The following RYR1 variants were observed in gnomAD, a reference collection of about 807,000 sequenced individuals.
The protein encoded by RYR1 is ryanodine receptor 1, also known as central core disease of muscle.
A neutral mutation model predicts 583.5 loss-of-function variants in RYR1; 342 were observed. The ratio of observed to expected loss-of-function variants is 0.59; its 90% confidence interval spans 0.54 to 0.64. The LOEUF is 0.64. RYR1 is among the 30% of genes least tolerant of loss of function. The pLI is 0.00. For synonymous variants in RYR1, 2,791 were observed against 2,822.5 expected (o/e 0.99, Z 0.35); for missense variants, 6,032 against 6,917.2 (o/e 0.87, Z 4.54).
At chr19:38,574,792 C>T (rs960319490) in intron 96 of RYR1, among the ~76,000 whole-genome samples, 10 of 152,152 alleles carry the variant, frequency 6.6e-5, no homozygotes, top group Admixed American at 6.6e-5. Context: ...TCAATCCTAG[C>T]ACTTTGGGAG....
chr19:38,530,990 T>C (rs77079183), intron 76 of RYR1, among the ~76,000 whole-genome samples: 3 of 143,704 alleles, frequency 2.1e-5, no homozygotes, highest in Non-Finnish European at 3.0e-5. Flanking sequence ...TCTTTCTCTT[T>C]TTTTTTTTTT....
Position 38,512,359 on chromosome 19 carries a change from G to T in RYR1, c.9348G>T (p.Ser3116=). The T allele has an allele frequency of 6.2e-7, 1 of 1,614,118 alleles. No individual in the cohort carries two copies. The highest frequency in any genetic ancestry group is 8.5e-7 in the Non-Finnish European group (1 of 1,180,050). Residue 3116 remains serine (S), a synonymous_variant, in exon 63 of 106, where the codon TCG becomes TCT. Transcript: ENST00000359596. This position sits in a 1 kb window ranked among gnomAD's most constrained non-coding sequence, Gnocchi z 5.1. ...MVENLRLGKV[S]QARTQVKGVG... ...AGAACCTGCGGCTGGGCAAGGTGTC[G>T]CAGGCGCGCACCCAGGTGAAAGGCG...
Position 38,485,629 on chromosome 19 carries a change from G to C in RYR1, c.4974G>C (p.Leu1658=), listed in dbSNP as rs1187288576. The C allele has an allele frequency of 1.9e-6, 3 of 1,610,088 alleles. No homozygotes were observed. Among genetic ancestry groups the C allele is most frequent in the African/African-American group, 1.3e-5 (1 of 75,048 alleles). ...TGGAGCTGTCGGAGCGCCTGGACCT[G>C]CAGCGCTTCCACTCGCACACCCTGC... ...DILELSERLD[L]QRFHSHTLRL... The change falls in exon 34 of 106, where the codon CTG becomes CTC. Residue 1658 remains leucine, a synonymous_variant. Transcript: ENST00000359596.
rs761170463 is a variant in RYR1, at chr19:38,587,424, AC to A, written c.*9del. 2 of 1,611,368 alleles carry A rather than the reference AC, an allele frequency of 1.2e-6. No individual in the cohort carries two copies. On this transcript the variant is annotated 3_prime_UTR_variant, in exon 106 of 106. Coordinates refer to ENST00000359596, the MANE Select transcript of RYR1 (RefSeq NM_000540.3). ...GTATGAGGACCAGCTTAGCTGACAC[AC>A]CCCCAGCTGGCCCTCCACCCCCACC...
At position 38,444,709 on chromosome 19, in the gene RYR1, A is replaced by G; in HGVS notation, c.631+32A>G. The G allele has an allele frequency of 6.7e-7, 1 of 1,491,784 alleles. No individual in the cohort carries two copies. The highest frequency in any genetic ancestry group is 9.1e-7 in the Non-Finnish European group (1 of 1,101,612). The allele number at this position is 1,491,784 out of a possible 1,614,324, so 92.4% of individuals were successfully genotyped here. ...GCCCCAGACCTCCCCCTAAATGGAG[A>G]TCCCCCCAAAACAGACCCTTAATGT... On this transcript the variant is annotated intron_variant, in intron 7 of 105. Transcript: ENST00000359596. The surrounding 1 kb of genome is among the most constrained non-coding windows in gnomAD (Gnocchi z 5.1).
rs1048238888 is a variant in RYR1 at position 38,452,846 on chromosome 19, A to G, written c.1272A>G (p.Pro424=). The change falls in exon 13 of 106, where the codon CCA becomes CCG. Residue 424 remains proline, a synonymous_variant. Coordinates refer to ENST00000359596, the MANE Select transcript of RYR1 (RefSeq NM_000540.3). ...IKSLDSFSGK[P]RGSGPPAGTA... ...GCCTGGACAGCTTCAGCGGGAAGCCACGGGGCTCGGGGCCACCCGCTGGCA... is the reference window on the plus strand; with the variant it reads ...GCCTGGACAGCTTCAGCGGGAAGCCGCGGGGCTCGGGGCCACCCGCTGGCA... 1.9e-6 allele frequency: 3 copies of G among 1,603,468 alleles called. No homozygotes were observed. Among genetic ancestry groups the G allele is most frequent in the African/African-American group, 2.7e-5 (2 of 74,796 alleles).
chr19:38,444,155 C>A lies in RYR1; in HGVS notation c.431C>A (p.Ala144Asp). Residue 144 changes from alanine (A) to aspartate (D), a missense_variant, in exon 6 of 106, where the codon GCT becomes GAT. Around this residue, in one of 11 missense-constraint regions of RYR1, gnomAD observed 338 missense variants for 441.6 expected, o/e 0.77. Coordinates refer to ENST00000359596, the MANE Select transcript of RYR1 (RefSeq NM_000540.3). This position sits in a 1 kb window ranked among gnomAD's most constrained non-coding sequence, Gnocchi z 5.1. ...ATTCCATCCCCACCCATAGGAGAGGCTTGCTGGTGGACCATGCACCCAGCC... is the reference window on the plus strand; with the variant it reads ...ATTCCATCCCCACCCATAGGAGAGGATTGCTGGTGGACCATGCACCCAGCC... ...VGLQEDATGEACWWTMHPASK... is the reference protein window; with the variant it reads ...VGLQEDATGEDCWWTMHPASK... The A allele has an allele frequency of 6.2e-7, 1 of 1,613,644 alleles. No individual in the cohort carries two copies. Among genetic ancestry groups the A allele is most frequent in the Non-Finnish European group, 8.5e-7 (1 of 1,179,616 alleles).
chr19:38,436,388 T>C (rs1320562394), intron 1 of RYR1, among the ~76,000 whole-genome samples: 1 of 152,068 alleles, frequency 6.6e-6, no homozygotes, highest in Non-Finnish European at 1.5e-5. Flanking sequence ...GTAAAATTTT[T>C]TGTAGAGGTG....
rs1973464476 is a variant in RYR1, at chr19:38,566,898, G to A, written c.13438-13G>A. The A allele has an allele frequency of 1.2e-6, 2 of 1,600,620 alleles. No homozygotes were observed. On this transcript the variant is annotated splice_polypyrimidine_tract_variant and intron_variant, in intron 91 of 105. Coordinates refer to ENST00000359596, the MANE Select transcript of RYR1 (RefSeq NM_000540.3). ...GGGTGAGGACTCAGCCCTGATGCTT[G>A]CCCTGTCCCTAGGTGGATGGAGTGG...
chr19:38,535,804 C>A, intron 81 of RYR1, 193 bp from the exon 82 acceptor site: 2 of 666,222 alleles, frequency 3.0e-6, no homozygotes, highest in South Asian at 3.3e-5. Context: ...TTTCAGCTTG[C>A]GCATGGTTCA....
chr19:38,564,887 G>A, intron 90 of RYR1, 72 bp from the exon 91 acceptor site: 1 of 1,533,414 alleles, frequency 6.5e-7, no homozygotes, highest in African/African-American at 1.4e-5. Context: ...CCTTGTAGCT[G>A]CCACTGCGCT....
intron 39 of RYR1, among the ~76,000 whole-genome samples, chr19:38,495,494 C>T (rs1443251105): frequency 6.6e-6 from 1 of 151,978 alleles, no homozygotes; most frequent in Non-Finnish European, 1.5e-5. Context: ...TACAGACACA[C>T]ACCACCATAC....
chr19:38,497,121 T>C (rs1200808115), intron 42 of RYR1, among the ~76,000 whole-genome samples, 167 bp downstream of exon 42: 1 of 152,130 alleles, frequency 6.6e-6, no homozygotes, highest in Non-Finnish European at 1.5e-5. Flanking sequence ...CACCCAGTTG[T>C]TCATTCATGG....
intron 97 of RYR1, among the ~76,000 whole-genome samples, chr19:38,577,291 A>G (rs1021648339): frequency 6.6e-6 from 1 of 152,176 alleles, no homozygotes; most frequent in African/African-American, 2.4e-5. Flanking sequence ...TATGTACTAC[A>G]TGAGCAGTAT....
intron 100 of RYR1, 81 bp from the exon 101 acceptor site, chr19:38,580,288 AC>A: frequency 7.2e-7 from 1 of 1,386,162 alleles, no homozygotes; most frequent in African/African-American, 1.5e-5. Flanking sequence ...CAGGGACTGA[AC>A]CGGGGCCAGG....
chr19:38,492,424 G>T, intron 37 of RYR1, 66 bp from the exon 38 acceptor site: 4 of 1,497,392 alleles, frequency 2.7e-6, no homozygotes, highest in African/African-American at 1.4e-5. Context: ...ACAAATAAAT[G>T]AGTGTGTAAG....
chr19:38,477,371 G>A (rs991871960), intron 29 of RYR1, among the ~76,000 whole-genome samples: 1 of 152,102 alleles, frequency 6.6e-6, no homozygotes, highest in Non-Finnish European at 1.5e-5. Flanking sequence ...TCAAACTCCT[G>A]ACCTCAGGTG....
At position 38,464,736 on chromosome 19, in the gene RYR1, G is replaced by C. The variant is rs1217253458; in HGVS notation, c.2870+14G>C. On this transcript the variant is annotated intron_variant, in intron 23 of 105. Coordinates refer to ENST00000359596, the MANE Select transcript of RYR1 (RefSeq NM_000540.3). ...ACTCCCCAAGACGTGAGTGTGGGCA[G>C]CCAGGTCCCGTCTGGGGATGGACTG... 1.3e-6 allele frequency: 2 copies of C among 1,565,894 alleles called. No individual in the cohort carries two copies. Among genetic ancestry groups the C allele is most frequent in the South Asian group, 2.3e-5 (2 of 85,112 alleles).
chr19:38,573,062 A>G (rs1250679842), intron 95 of RYR1, 115 bp from the exon 96 acceptor site: 27 of 1,537,536 alleles, frequency 1.8e-5, no homozygotes, highest in Non-Finnish European at 2.2e-5. Context: ...TCACTGGGAA[A>G]GCACTTCTGA....
Sources: allele counts gnomAD v4.1 joint callset (sites outside exome capture counted in the v4.1 genomes callset), GRCh38; gene constraint gnomAD v4.1.1; regional missense constraint gnomAD v4.1.1; non-coding constraint Gnocchi (gnomAD v3.1); transcripts MANE v1.5; gene names NCBI Gene and HGNC (gene_info 2026-07-23, HGNC 2026-07-21).